Variants in LRRFIP2 observed in about 807,000 individuals in gnomAD.
LRRFIP2 encodes leucine-rich repeat flightless-interacting protein 2.
A neutral mutation model predicts 125.9 loss-of-function variants in LRRFIP2; 109 were observed. That is an observed-to-expected ratio of 0.87 (90% CI 0.74 to 1.01). LRRFIP2 has a LOEUF of 1.01. Ranked by LOEUF, LRRFIP2 falls within the 50% of genes least tolerant of loss-of-function variation. The pLI is 0.00. For missense variants in LRRFIP2, 850 were observed against 862.3 expected (o/e 0.99, Z 0.18); for synonymous variants, 291 against 293.1 (o/e 0.99, Z 0.07).
intron 8 of LRRFIP2, among the ~76,000 whole-genome samples, chr3:37,112,493 A>G (rs1336716919): frequency 6.6e-6 from 1 of 152,206 alleles, no homozygotes. Flanking sequence ...GCCATTACAT[A>G]TTTATTGAAG....
chr3:37,175,594 A>T (rs191775408), upstream of LRRFIP2, among the ~76,000 whole-genome samples: 174 of 152,286 alleles, frequency 1.1e-3, no homozygotes, highest in Non-Finnish European at 1.2e-3. Context: ...TAACCCAGCT[A>T]GCGCCTGTTA....
chr3:37,151,290 T>C (rs1417496980), intron 1 of LRRFIP2, among the ~76,000 whole-genome samples: 1 of 150,074 alleles, frequency 6.7e-6, no homozygotes, highest in African/African-American at 2.5e-5. Flanking sequence ...ATCCAGGAGG[T>C]GGAGATTGCA....
intron 9 of LRRFIP2, 34 bp downstream of exon 9, chr3:37,110,956 AT>A: frequency 3.1e-6 from 5 of 1,594,614 alleles, no homozygotes; most frequent in Non-Finnish European, 4.3e-6. Flanking sequence ...TTAAAAGTGA[AT>A]CAAACACATA....
At chr3:37,160,532 C>T (rs1035156799) in intron 1 of LRRFIP2, among the ~76,000 whole-genome samples, 6 of 152,096 alleles carry the variant, frequency 3.9e-5, no homozygotes, top group Admixed American at 3.9e-4. Flanking sequence ...GTAATCCCAA[C>T]ACTTTGGGAG....
Position 37,063,940 on chromosome 3 carries a change from T to C in LRRFIP2, c.1700-149A>G, listed in dbSNP as rs185895738. On this transcript the variant is annotated intron_variant, in intron 23 of 27. Transcript: ENST00000336686. ...ATATCTAAAGAAATAAAGGTGTTAA[T>C]AGCATTACAGAAAAGTTCTTAACTA... 1.2e-3 allele frequency: 783 copies of C among 626,704 alleles called. 4 individuals carry two copies. Among genetic ancestry groups the C allele is most frequent in the African/African-American group, 0.012 (667 of 54,242 alleles). 38.8% of individuals were successfully genotyped at this position (626,704 alleles called of 1,614,324 possible). A position where few individuals can be genotyped will look rare whatever the true frequency, so the allele number is the denominator to read the frequency against.
At position 37,112,987 on chromosome 3, in the gene LRRFIP2, G is replaced by A. The variant is rs1559901257; in HGVS notation, c.373-7C>T. ...AGTGACTGTAAGAATGATTCTGGAA[G>A]TAAATATTCCAAGTTAACTTCAATG... On this transcript the variant is annotated splice_polypyrimidine_tract_variant and splice_region_variant and intron_variant, in intron 7 of 27. Transcript: ENST00000336686. 1 of 1,535,420 alleles carries A rather than the reference G, an allele frequency of 6.5e-7. No homozygotes were observed.
chr3:37,091,835 T>C (rs963924435), intron 17 of LRRFIP2, among the ~76,000 whole-genome samples: 1 of 152,238 alleles, frequency 6.6e-6, no homozygotes, highest in African/African-American at 2.4e-5. Flanking sequence ...AGGAAAAAGC[T>C]ATATAAATTA....
chr3:37,069,384 T>C (rs1468936648), intron 21 of LRRFIP2, among the ~76,000 whole-genome samples: 1 of 152,212 alleles, frequency 6.6e-6, no homozygotes, highest in African/African-American at 2.4e-5. Context: ...TGGAATATGA[T>C]TCAGCCTTAA....
At chr3:37,079,000 CA>C (rs2148981033) in intron 19 of LRRFIP2, among the ~76,000 whole-genome samples, 1 of 152,166 alleles carries the variant, frequency 6.6e-6, no homozygotes, top group Non-Finnish European at 1.5e-5. Flanking sequence ...TGGTCACAAC[CA>C]ATTCCTTTTT....
chr3:37,116,243 G>A (rs1292412520), intron 6 of LRRFIP2, among the ~76,000 whole-genome samples: 1 of 151,928 alleles, frequency 6.6e-6, no homozygotes, highest in African/African-American at 2.4e-5. Context: ...TCCCACTTCA[G>A]GCTCCCAAGT....
intron 1 of LRRFIP2, chr3:37,172,918 C>G (rs1028526542): frequency 6.6e-6 from 1 of 152,148 alleles, no homozygotes; most frequent in African/African-American, 2.4e-5. Flanking sequence ...ATTGGCCGGG[C>G]GTGGTGGCTC....
Position 37,121,649 on chromosome 3 carries a change from G to A in LRRFIP2, c.271C>T (p.His91Tyr), listed in dbSNP as rs1412168299. 1 of 1,614,174 alleles carries A rather than the reference G, an allele frequency of 6.2e-7. No homozygotes were observed. The highest frequency in any genetic ancestry group is 8.5e-7 in the Non-Finnish European group (1 of 1,180,020). The change falls in exon 5 of 28, where the codon CAT (histidine) becomes TAT (tyrosine). Residue 91 changes from histidine to tyrosine, a missense_variant. By Grantham distance (83) the His-to-Tyr change is moderately conservative (BLOSUM62 2). Coordinates refer to ENST00000336686, the MANE Select transcript of LRRFIP2 (RefSeq NM_006309.4). Reference sequence around the variant, plus strand: ...TTATTACAAACCAGATAAGGACGATGGTGACTGGACCGGTGGGAATACCTG... The same window carrying A: ...TTATTACAAACCAGATAAGGACGATAGTGACTGGACCGGTGGGAATACCTG... The part of the protein sequence containing the change: ...RARYSHRSSH[H>Y]RPYLGVEDAL...
intron 1 of LRRFIP2, among the ~76,000 whole-genome samples, chr3:37,164,489 G>A (rs1488103660): frequency 6.6e-6 from 1 of 152,054 alleles, no homozygotes; most frequent in Non-Finnish European, 1.5e-5. Context: ...AGGCTGAAGT[G>A]GGCAGATCAC....
intron 6 of LRRFIP2, among the ~76,000 whole-genome samples, chr3:37,115,333 C>T (rs1200929415): frequency 2.6e-5 from 4 of 152,056 alleles, no homozygotes; most frequent in Non-Finnish European, 5.9e-5. Flanking sequence ...TTCTTTTAAA[C>T]AACAAAATTC....
At chr3:37,073,614 T>C (rs2091615765) in intron 20 of LRRFIP2, among the ~76,000 whole-genome samples, 1 of 152,168 alleles carries the variant, frequency 6.6e-6, no homozygotes, top group African/African-American at 2.4e-5. Context: ...TAACCATAGA[T>C]ACTAACATCT....
At chr3:37,063,461 A>G (rs2089322481) in intron 24 of LRRFIP2, among the ~76,000 whole-genome samples, 1 of 152,214 alleles carries the variant, frequency 6.6e-6, no homozygotes, top group Non-Finnish European at 1.5e-5. Context: ...TTTAACAGAA[A>G]TGGTCAGGGG....
intron 1 of LRRFIP2, among the ~76,000 whole-genome samples, chr3:37,167,505 T>C (rs923939299): frequency 6.7e-6 from 1 of 150,242 alleles, no homozygotes; most frequent in Non-Finnish European, 1.5e-5. Flanking sequence ...AATACGAAAA[T>C]TAGCCGGGCG....
At position 37,065,881 on chromosome 3, in the gene LRRFIP2, ACTGGT is replaced by A. The variant is rs2090029309; in HGVS notation, c.1623_1627del (p.Glu541AspfsTer43). On this transcript the variant is annotated frameshift_variant, in exon 23 of 28. Coordinates refer to ENST00000336686, the MANE Select transcript of LRRFIP2 (RefSeq NM_006309.4). LOFTEE classifies it high-confidence loss of function. ...AGACACAACAGTGATGGCTCCAGCCACTGGTTCATGACTGACATCACCATTGGGAG... is the reference window on the plus strand; with the variant it reads ...AGACACAACAGTGATGGCTCCAGCCATCATGACTGACATCACCATTGGGAG... The A allele has an allele frequency of 6.2e-7, 1 of 1,614,048 alleles. No homozygotes were observed. The highest frequency in any genetic ancestry group is 8.5e-7 in the Non-Finnish European group (1 of 1,180,012).
chr3:37,093,117 G>A (rs1664783502), intron 17 of LRRFIP2: 1 of 152,628 alleles, frequency 6.6e-6, no homozygotes, highest in African/African-American at 2.4e-5. Context: ...GGATTACATG[G>A]GTGACAAATT....
Sources: allele counts gnomAD v4.1 joint callset (sites outside exome capture counted in the v4.1 genomes callset), GRCh38; gene constraint gnomAD v4.1.1; transcripts MANE v1.5; gene names NCBI Gene and HGNC (gene_info 2026-07-23, HGNC 2026-07-21).